The following GRIN3A variants were observed in gnomAD, a reference collection of about 807,000 sequenced individuals.
GRIN3A encodes glutamate receptor ionotropic, NMDA 3A.
Under a neutral mutation model 92.4 loss-of-function variants are expected in GRIN3A, and 47 were observed. The observed-to-expected ratio is 0.51, with a 90% CI of 0.40 to 0.65. GRIN3A has a LOEUF of 0.65. Among genes scored for constraint, GRIN3A ranks in the 30% least tolerant of loss-of-function variants. The pLI, the probability that GRIN3A is intolerant of heterozygous loss-of-function variation, is 0.00. For missense variants in GRIN3A, 1,324 were observed against 1,393.1 expected, an observed-to-expected ratio of 0.95 and a Z score of 0.79; for synonymous variants, 527 against 540.6, an observed-to-expected ratio of 0.97 and a Z score of 0.35.
In GRIN3A at chr9:101,590,395, T is replaced by TA. The variant is rs1280296608; in HGVS notation, c.2767-11036_2767-11035insT. ...TTATTTATTTATTTATTTATTTATT[T>TA]TTTTGAGATGGAATCTCGCTCTGTC... On this transcript the variant is annotated intron_variant, in intron 6 of 8. Transcript: ENST00000361820. Among the ~76,000 whole-genome samples the TA allele has an allele frequency of 1.3e-4, 18 of 133,680 alleles. No homozygotes were observed. The South Asian group carries it at 1.6e-3, about 12-fold the overall frequency. The allele number at this position is 133,680 out of a possible 152,430, so 87.7% of individuals were successfully genotyped here.
At chr9:101,728,764 C>CAGGTAGTAGTGCA (rs1173183689) in intron 1 of GRIN3A, among the ~76,000 whole-genome samples, 1 of 152,162 alleles carries the variant, frequency 6.6e-6, no homozygotes, top group Admixed American at 6.5e-5. Flanking sequence ...TGCATGGGCA[C>CAGGTAGTAGTGCA]TGCTTTTATA....
intron 8 of GRIN3A, 119 bp from the exon 9 acceptor site, chr9:101,573,632 G>C: frequency 1.2e-6 from 1 of 817,304 alleles, no homozygotes; most frequent in Non-Finnish European, 2.0e-6. Flanking sequence ...TAGAGATGAA[G>C]TAACAAAGCC....
At chr9:101,702,172 T>C (rs1829764372) in intron 1 of GRIN3A, among the ~76,000 whole-genome samples, 1 of 152,076 alleles carries the variant, frequency 6.6e-6, no homozygotes, top group African/African-American at 2.4e-5. Context: ...TGTGGTAGCA[T>C]ATGCCTGTAA....
chr9:101,684,270 A>ATTTTTTTTT (rs3082771), intron 2 of GRIN3A, among the ~76,000 whole-genome samples: 2 of 87,058 alleles, frequency 2.3e-5, no homozygotes, highest in Non-Finnish European at 4.3e-5. Context: ...TGCTTAGCTA[A>ATTTTTTTTT]TTTTTTTTTT....
intron 1 of GRIN3A, among the ~76,000 whole-genome samples, chr9:101,719,276 G>A (rs566789754): frequency 5.3e-5 from 8 of 152,178 alleles, no homozygotes; most frequent in African/African-American, 1.4e-4. Context: ...AAAATTCGCC[G>A]GGTGTGGTGG....
At chr9:101,612,818 T>C (rs1430149349) in intron 6 of GRIN3A, among the ~76,000 whole-genome samples, 2 of 152,232 alleles carry the variant, frequency 1.3e-5, no homozygotes, top group East Asian at 3.8e-4. Context: ...CCACTGATTA[T>C]CTCTGGGTAT....
At chr9:101,689,872 T>C (rs1227743792) in intron 1 of GRIN3A, among the ~76,000 whole-genome samples, 1 of 151,974 alleles carries the variant, frequency 6.6e-6, no homozygotes, top group Non-Finnish European at 1.5e-5. Flanking sequence ...TGAGTAAAAT[T>C]GAAAAGGAAA....
At chr9:101,602,348 C>T (rs1828222044) in intron 6 of GRIN3A, among the ~76,000 whole-genome samples, 1 of 152,194 alleles carries the variant, frequency 6.6e-6, no homozygotes, top group South Asian at 2.1e-4. Context: ...CACTAGATGG[C>T]AATCTTCACA....
intron 3 of GRIN3A, among the ~76,000 whole-genome samples, chr9:101,639,583 C>T (rs1301685909): frequency 6.6e-6 from 1 of 152,186 alleles, no homozygotes; most frequent in Non-Finnish European, 1.5e-5. Context: ...TGATGAAATG[C>T]AAATGAATAA....
intron 3 of GRIN3A, among the ~76,000 whole-genome samples, chr9:101,633,775 A>G (rs1464648686): frequency 1.3e-5 from 2 of 150,330 alleles, no homozygotes; most frequent in African/African-American, 4.8e-5. Flanking sequence ...AATTGTCCAC[A>G]AAATCGGTCC....
intron 1 of GRIN3A, among the ~76,000 whole-genome samples, chr9:101,693,040 C>T (rs1022442034): frequency 7.2e-5 from 11 of 151,870 alleles, no homozygotes; most frequent in African/African-American, 2.4e-4. Context: ...ATGATCATCC[C>T]CCTTTAATAG....
intron 4 of GRIN3A, among the ~76,000 whole-genome samples, chr9:101,624,522 A>G (rs1253814637): frequency 1.3e-5 from 2 of 152,004 alleles, no homozygotes; most frequent in South Asian, 2.1e-4. Context: ...ATGATTTCCA[A>G]TTTCATCCAT....
chr9:101,647,215 T>C (rs1828948980), intron 3 of GRIN3A, among the ~76,000 whole-genome samples: 1 of 151,964 alleles, frequency 6.6e-6, no homozygotes, highest in African/African-American at 2.4e-5. Context: ...GGCTGCTGAA[T>C]TTTATGAATG....
At chr9:101,630,087 G>T (rs1208320320) in intron 3 of GRIN3A, among the ~76,000 whole-genome samples, 2 of 152,166 alleles carry the variant, frequency 1.3e-5, no homozygotes, top group South Asian at 4.1e-4. Flanking sequence ...TATCAGCATT[G>T]TCTGTCCAAC....
intron 6 of GRIN3A, among the ~76,000 whole-genome samples, chr9:101,610,040 T>C (rs772800539): frequency 2.6e-5 from 4 of 152,206 alleles, no homozygotes; most frequent in Non-Finnish European, 4.4e-5. Context: ...GATGTTGACT[T>C]GAGTCAGCTA....
At chr9:101,617,971 A>G (rs1056846618) in intron 5 of GRIN3A, among the ~76,000 whole-genome samples, 17 of 152,036 alleles carry the variant, frequency 1.1e-4, no homozygotes, top group African/African-American at 3.9e-4. Flanking sequence ...TACAAAGGAC[A>G]TGAACTCATC....
intron 6 of GRIN3A, among the ~76,000 whole-genome samples, chr9:101,596,278 T>A (rs574025040): frequency 6.6e-6 from 1 of 152,224 alleles, no homozygotes; most frequent in Non-Finnish European, 1.5e-5. Flanking sequence ...TCCATGGATA[T>A]GTTTTAAAGC....
intron 1 of GRIN3A, among the ~76,000 whole-genome samples, chr9:101,716,278 G>C (rs1373421816): frequency 6.6e-6 from 1 of 152,106 alleles, no homozygotes; most frequent in Non-Finnish European, 1.5e-5. Flanking sequence ...CTTTTCTTTA[G>C]TGCCTCTTGA....
chr9:101,658,907 C>T (rs986661326), intron 3 of GRIN3A, among the ~76,000 whole-genome samples: 3 of 151,784 alleles, frequency 2.0e-5, no homozygotes, highest in Admixed American at 6.6e-5. Context: ...AGATTCTTGG[C>T]TTGCCACTGG....
Sources: allele counts gnomAD v4.1 joint callset (sites outside exome capture counted in the v4.1 genomes callset), GRCh38; gene constraint gnomAD v4.1.1; transcripts MANE v1.5; gene names NCBI Gene and HGNC (gene_info 2026-07-23, HGNC 2026-07-21).